The following CUL5 variants were observed in gnomAD, a reference collection of about 807,000 sequenced individuals.
CUL5 encodes the protein cullin 5.
A neutral mutation model predicts 108.8 loss-of-function variants in CUL5; 26 were observed. The ratio of observed to expected loss-of-function variants is 0.24; its 90% CI spans 0.18 to 0.33. CUL5 has a LOEUF of 0.33. CUL5 is among the 10% of genes least tolerant of loss of function. CUL5 has a pLI of 1.00. For missense variants in CUL5, 524 were observed against 909.2 expected (o/e 0.58, Z 5.45); for synonymous variants, 334 against 298.0 (o/e 1.12, Z -1.25).
chr11:108,071,740 A>T (rs1378301041), intron 8 of CUL5, among the ~76,000 whole-genome samples: 4 of 151,806 alleles, frequency 2.6e-5, no homozygotes, highest in Non-Finnish European at 4.4e-5. Context: ...TTGTGTAACG[A>T]TGGGTTTTGC....
chr11:108,083,154 T>C (rs867637318), intron 11 of CUL5, among the ~76,000 whole-genome samples: 1 of 152,184 alleles, frequency 6.6e-6, no homozygotes, highest in Non-Finnish European at 1.5e-5. Flanking sequence ...CAGGGGTGAA[T>C]TCAGGCATCC....
At position 108,105,752 on chromosome 11, in the gene CUL5, C is replaced by T. The variant is rs1205819441; in HGVS notation, c.*1368C>T. 1 of 151,818 alleles carries T rather than the reference C, an allele frequency of 6.6e-6. No individual in the cohort carries two copies. Among genetic ancestry groups the T allele is most frequent in the African/African-American group, 2.4e-5 (1 of 41,342 alleles). The allele number at this position is 151,818 out of a possible 1,614,324, so 9.4% of individuals were successfully genotyped here. ...GTGGATTTTTATTCATTGTGGTGCA[C>T]GTTTCAAATTTTCTTGCAAATTATT... On this transcript the variant is annotated 3_prime_UTR_variant, in exon 19 of 19. Coordinates refer to ENST00000393094, the MANE Select transcript of CUL5 (RefSeq NM_003478.6).
Position 108,072,444 on chromosome 11 carries a change from T to G in CUL5, c.987T>G (p.Ala329=). 1 of 1,610,932 alleles carries G rather than the reference T, an allele frequency of 6.2e-7. No individual in the cohort carries two copies. The highest frequency in any genetic ancestry group is 8.5e-7 in the Non-Finnish European group (1 of 1,178,654). Residue 329 remains alanine, a synonymous_variant, in exon 9 of 19, where the codon GCT becomes GCG. Coordinates refer to ENST00000393094, the MANE Select transcript of CUL5 (RefSeq NM_003478.6). ...CTGGCCTGGCAGATATGGTAGCAGC[T>G]GCTGAAACTATTACTACTGTAAGTT... The part of the protein sequence containing the change: ...ISAGLADMVA[A]AETITTDSEK...
chr11:108,032,898 A>G (rs1326799994), intron 1 of CUL5, among the ~76,000 whole-genome samples: 2 of 151,950 alleles, frequency 1.3e-5, no homozygotes, highest in Admixed American at 6.6e-5. Flanking sequence ...TAGATTTCCA[A>G]TATACTTTTT....
At chr11:108,059,960 C>G (rs1863494520) in intron 7 of CUL5, among the ~76,000 whole-genome samples, 1 of 151,906 alleles carries the variant, frequency 6.6e-6, no homozygotes, top group Non-Finnish European at 1.5e-5. Context: ...AGCATTTGAG[C>G]ACTGTGCCTG....
chr11:108,053,020 C>T (rs868850662), intron 5 of CUL5, among the ~76,000 whole-genome samples: 1 of 152,210 alleles, frequency 6.6e-6, no homozygotes. Flanking sequence ...CCATTAATTT[C>T]TTGGCAAGTC....
chr11:108,059,772 T>C (rs1863488778), intron 7 of CUL5, among the ~76,000 whole-genome samples: 1 of 151,600 alleles, frequency 6.6e-6, no homozygotes, highest in African/African-American at 2.4e-5. Flanking sequence ...TAATCTCAGC[T>C]ACTCGGGAGG....
intron 7 of CUL5, among the ~76,000 whole-genome samples, chr11:108,057,029 G>A (rs1863396850): frequency 6.6e-6 from 1 of 152,052 alleles, no homozygotes; most frequent in Non-Finnish European, 1.5e-5. Context: ...CACCTGGATG[G>A]GAATGTTACA....
In CUL5 at chr11:108,106,762, G is replaced by A. The variant is rs15677; in HGVS notation, c.*2378G>A. ...CCTTTATTCAGGTCTCTTCTCTCCAGCGTACACTTAAAATTGGTGCCGAGC... is the reference window on the plus strand; with the variant it reads ...CCTTTATTCAGGTCTCTTCTCTCCAACGTACACTTAAAATTGGTGCCGAGC... On this transcript the variant is annotated 3_prime_UTR_variant, in exon 19 of 19. Transcript: ENST00000393094. 0.72 allele frequency: 106,657 copies of A among 148,738 alleles called. 39,253 individuals carry two copies. Among genetic ancestry groups the A allele is most frequent in the East Asian group, 0.94 (4,803 of 5,104 alleles). The allele number at this position is 148,738 out of a possible 1,614,324, so 9.2% of individuals were successfully genotyped here. A position where few individuals can be genotyped will look rare whatever the true frequency, so the allele number is the denominator to read the frequency against.
At chr11:108,094,714 T>G in intron 14 of CUL5, 98 bp from the exon 15 acceptor site, 1 of 1,011,176 alleles carries the variant, frequency 9.9e-7, no homozygotes, top group South Asian at 1.8e-5. Context: ...ACAAAATCTT[T>G]ATAGTCTTAT....
chr11:108,095,057 C>A, intron 15 of CUL5, 70 bp downstream of exon 15: 1 of 1,316,570 alleles, frequency 7.6e-7, no homozygotes, highest in Non-Finnish European at 1.0e-6. Context: ...CGCAGAATTG[C>A]TTAAACAAAA....
chr11:108,049,827 A>G (rs1863165600), intron 3 of CUL5, 63 bp from the exon 4 acceptor site: 2 of 1,320,016 alleles, frequency 1.5e-6, no homozygotes, highest in Admixed American at 2.3e-5. Context: ...TTTGGCATGA[A>G]TATGTTCTTA....
At chr11:108,047,866 C>G (rs1863104936) in intron 3 of CUL5, among the ~76,000 whole-genome samples, 1 of 152,042 alleles carries the variant, frequency 6.6e-6, no homozygotes, top group African/African-American at 2.4e-5. Flanking sequence ...TCTTCAGTTT[C>G]TGGAAATAAA....
intron 2 of CUL5, among the ~76,000 whole-genome samples, chr11:108,041,610 G>C (rs1022069996): frequency 4.9e-5 from 7 of 144,224 alleles, no homozygotes; most frequent in African/African-American, 1.8e-4. Context: ...TTCTTTTTTA[G>C]ACAAAGTTTT....
At chr11:108,088,449 G>C (rs1864274887) in intron 11 of CUL5, 78 bp from the exon 12 acceptor site, 1 of 1,411,658 alleles carries the variant, frequency 7.1e-7, no homozygotes, top group African/African-American at 1.4e-5. Context: ...AAATTCGCTT[G>C]TGAATCATTG....
intron 16 of CUL5, 69 bp from the exon 17 acceptor site, chr11:108,097,567 G>C (rs528810552): frequency 1.2e-6 from 1 of 840,684 alleles, no homozygotes; most frequent in African/African-American, 1.7e-5. Flanking sequence ...TGTTGATTAT[G>C]TGGGAGAATT....
intron 1 of CUL5, among the ~76,000 whole-genome samples, chr11:108,009,991 C>G (rs1285849444): frequency 3.3e-5 from 5 of 152,216 alleles, no homozygotes; most frequent in African/African-American, 1.2e-4. Context: ...AACCAGATGA[C>G]AACTGATGAA....
chr11:108,078,054 G>T lies in CUL5; in HGVS notation c.1114-122G>T, dbSNP rs540160593. 439 of 554,324 alleles carry T rather than the reference G, an allele frequency of 7.9e-4. 2 individuals carry two copies. The highest frequency in any genetic ancestry group is 7.5e-3 in the African/African-American group (375 of 49,944). The allele number at this position is 554,324 out of a possible 1,614,324, so 34.3% of individuals were successfully genotyped here. On this transcript the variant is annotated intron_variant, in intron 10 of 18. Transcript: ENST00000393094. The stretch of plus-strand genomic sequence containing the variant: ...TAAAGTCTTTGACTAGGCAAATTCT[G>T]TTTGGCCAGATATACCATTAGAAAT...
chr11:108,030,039 A>G (rs1591282454), intron 1 of CUL5, among the ~76,000 whole-genome samples: 1 of 152,148 alleles, frequency 6.6e-6, no homozygotes, highest in Admixed American at 6.5e-5. Flanking sequence ...GTTCTTTCAT[A>G]TTTGTTTATT....
Sources: gnomAD v4.1 joint callset for allele counts (sites outside exome capture counted in the v4.1 genomes callset) on GRCh38, gnomAD v4.1.1 for gene constraint, MANE v1.5 for transcripts, NCBI Gene and HGNC (gene_info 2026-07-23, HGNC 2026-07-21) for gene names.